Variants in GRID2 observed in about 807,000 individuals in gnomAD.
GRID2 encodes glutamate ionotropic receptor delta type subunit 2, also known as glutamate receptor ionotropic, delta-2.
A neutral mutation model predicts 114.8 loss-of-function variants in GRID2; 33 were observed. The observed-to-expected ratio is 0.29, with a 90% CI of 0.22 to 0.38. The LOEUF (loss-of-function observed/expected upper bound fraction) is 0.38, where lower values mean the gene tolerates loss of function less well. Ranked by LOEUF, GRID2 falls within the 10% of genes least tolerant of loss-of-function variation. The probability of loss-of-function intolerance (pLI) is 1.00; values close to 1 mark genes in which losing one functional copy is unlikely to be tolerated. For missense variants in GRID2, 1,184 were observed against 1,257.7 expected, an observed-to-expected ratio of 0.94 and a Z score of 0.89; for synonymous variants, 505 against 449.9, an observed-to-expected ratio of 1.12 and a Z score of -1.55.
chr4:92,468,678 T>G (rs879536854), intron 1 of GRID2, among the ~76,000 whole-genome samples: 10 of 151,974 alleles, frequency 6.6e-5, no homozygotes, highest in Non-Finnish European at 1.2e-4. Context: ...GTCTGTTCCT[T>G]TTGGATTTTT....
chr4:93,095,950 A>G (rs1453863912), intron 3 of GRID2, among the ~76,000 whole-genome samples: 1 of 152,044 alleles, frequency 6.6e-6, no homozygotes, highest in Non-Finnish European at 1.5e-5. Context: ...CAATTGAAAG[A>G]GCAAAGAAAA....
chr4:93,588,527 AG>A (rs1737775053), intron 13 of GRID2, among the ~76,000 whole-genome samples: 3 of 152,170 alleles, frequency 2.0e-5, no homozygotes, highest in Non-Finnish European at 4.4e-5. Flanking sequence ...TCAAGGGAGA[AG>A]GCAAACAGAA....
chr4:92,606,879 A>G (rs1025469859), intron 2 of GRID2, among the ~76,000 whole-genome samples: 5 of 152,036 alleles, frequency 3.3e-5, no homozygotes, highest in Admixed American at 2.6e-4. Context: ...ACATTACAAA[A>G]CACAGTAAGG....
chr4:92,594,841 G>A (rs565245863), intron 2 of GRID2, among the ~76,000 whole-genome samples: 55 of 151,946 alleles, frequency 3.6e-4, no homozygotes, highest in African/African-American at 5.3e-4. Context: ...CACTGCTGTC[G>A]TTTCTGAAAG....
At chr4:92,472,893 A>G (rs1722113131) in intron 1 of GRID2, among the ~76,000 whole-genome samples, 1 of 152,052 alleles carries the variant, frequency 6.6e-6, no homozygotes. Flanking sequence ...AGTGTTTTTC[A>G]AAGTAGAAAT....
At chr4:93,482,535 G>A (rs778334985) in intron 11 of GRID2, among the ~76,000 whole-genome samples, 6 of 151,872 alleles carry the variant, frequency 4.0e-5, no homozygotes, top group Admixed American at 6.6e-5. Flanking sequence ...GGCGTGTCGA[G>A]GGTTGTGGGG....
intron 8 of GRID2, among the ~76,000 whole-genome samples, chr4:93,378,667 G>T (rs745323286): frequency 2.0e-5 from 3 of 152,046 alleles, no homozygotes; most frequent in African/African-American, 7.2e-5. Flanking sequence ...GATTAGCTTA[G>T]AGAACGGTCC....
At chr4:93,246,853 G>A (rs980273962) in intron 8 of GRID2, among the ~76,000 whole-genome samples, 3 of 152,172 alleles carry the variant, frequency 2.0e-5, no homozygotes, top group African/African-American at 7.2e-5. Flanking sequence ...CTCTTGATGG[G>A]TAGGGGAACC....
chr4:92,305,404 C>A (rs1198120468), intron 1 of GRID2, among the ~76,000 whole-genome samples: 1 of 152,160 alleles, frequency 6.6e-6, no homozygotes, highest in African/African-American at 2.4e-5. Flanking sequence ...GCCTCGCCTC[C>A]TCGGACACGC....
At chr4:93,415,235 G>A (rs1054395604) in intron 9 of GRID2, among the ~76,000 whole-genome samples, 16 of 151,982 alleles carry the variant, frequency 1.1e-4, no homozygotes, top group African/African-American at 3.9e-4. Context: ...GTTATATCTC[G>A]AATGTATTTC....
intron 2 of GRID2, among the ~76,000 whole-genome samples, chr4:93,029,087 A>G (rs1326402806): frequency 6.6e-6 from 1 of 152,120 alleles, no homozygotes; most frequent in Non-Finnish European, 1.5e-5. Context: ...TTCCCATTAC[A>G]TGGAGAGGGA....
At chr4:92,502,458 C>T (rs1018106777) in intron 1 of GRID2, among the ~76,000 whole-genome samples, 3 of 151,748 alleles carry the variant, frequency 2.0e-5, no homozygotes, top group African/African-American at 7.3e-5. Context: ...TTTGATGTTT[C>T]AAGGTAGTTT....
In GRID2 at chr4:93,808,604, T is replaced by G. The variant is rs149308203; in HGVS notation, c.*1731T>G. On this transcript the variant is annotated 3_prime_UTR_variant, in exon 2 of 2. Coordinates refer to the GRID2 transcript ENST00000637838. Reference sequence around the variant, plus strand: ...GATATCTAGTTTCAGATGGAAATTCTGATACCTCACAGAATGACAAAGAAG... The same window carrying G: ...GATATCTAGTTTCAGATGGAAATTCGGATACCTCACAGAATGACAAAGAAG... 4 of 152,342 alleles carry G rather than the reference T, an allele frequency of 2.6e-5. No individual in the cohort carries two copies. The East Asian group carries it at 7.7e-4, about 29-fold the overall frequency. The allele number at this position is 152,342 out of a possible 1,614,324, so 9.4% of individuals were successfully genotyped here.
At chr4:92,589,870 A>G (rs1728624834) in intron 1 of GRID2, among the ~76,000 whole-genome samples, 2 of 152,152 alleles carry the variant, frequency 1.3e-5, no homozygotes, top group African/African-American at 2.4e-5. Context: ...GAAGCTTTTT[A>G]TACCTATTAT....
chr4:92,326,959 T>A (rs1726629701), intron 1 of GRID2, among the ~76,000 whole-genome samples: 1 of 151,940 alleles, frequency 6.6e-6, no homozygotes, highest in Non-Finnish European at 1.5e-5. Context: ...CATTCTTTCC[T>A]AGAGCCCTCT....
At chr4:93,809,084 T>C (rs1034743974) in exon 2 of GRID2, 3 of 152,224 alleles carry the variant, frequency 2.0e-5, no homozygotes, top group East Asian at 1.9e-4. Context: ...AACAGACCTA[T>C]GATAAGATGT....
rs139456009 is a variant in GRID2, at chr4:93,062,395, T to C, written c.245-22600T>C. On this transcript the variant is annotated intron_variant, in intron 2 of 15. Transcript: ENST00000282020. ...AATTATAAAGTTGTCCTCATATCCA[T>C]ACAAAGATATGAAGAGAATCATATT... Among the ~76,000 whole-genome samples the C allele has an allele frequency of 1.3e-4, 20 of 152,224 alleles. No homozygotes were observed. The East Asian group carries it at 3.5e-3, about 26-fold the overall frequency.
In GRID2 at chr4:92,797,662, A is replaced by G. The variant is rs1273120590; in HGVS notation, c.244+207376A>G. Among the ~76,000 whole-genome samples the G allele has an allele frequency of 1.3e-5, 2 of 151,968 alleles. 1 individual carries two copies. The highest frequency in any genetic ancestry group is 3.9e-4 in the East Asian group (2 of 5,160). ...ATGAAAAAAAGTATCTTTATATTTTATGCATTTATGACATATCTAACTTTT... is the reference window on the plus strand; with the variant it reads ...ATGAAAAAAAGTATCTTTATATTTTGTGCATTTATGACATATCTAACTTTT... On this transcript the variant is annotated intron_variant, in intron 2 of 15. Transcript: ENST00000282020.
chr4:92,892,475 A>G (rs1746861971), intron 2 of GRID2, among the ~76,000 whole-genome samples: 1 of 152,112 alleles, frequency 6.6e-6, no homozygotes, highest in Non-Finnish European at 1.5e-5. Flanking sequence ...GTTCTGAGAG[A>G]TATATTTTCT....
Sources: allele counts gnomAD v4.1 joint callset (sites outside exome capture counted in the v4.1 genomes callset), GRCh38; gene constraint gnomAD v4.1.1; transcripts MANE v1.5; gene names NCBI Gene and HGNC (gene_info 2026-07-23, HGNC 2026-07-21).